APC2: variants seen among roughly 807,000 people sequenced by gnomAD.
APC2 encodes the protein APC regulator of Wnt signaling pathway 2, also known as adenomatous polyposis coli protein 2.
APC2 carries 41 observed loss-of-function variants against 72.5 expected under a neutral mutation model. The observed-to-expected ratio is 0.57, with a 90% CI of 0.44 to 0.73. The LOEUF is 0.73. Among genes scored for constraint, APC2 ranks in the 30% least tolerant of loss-of-function variants. The probability of loss-of-function intolerance (pLI) is 0.00; values close to 1 mark genes in which losing one functional copy is unlikely to be tolerated. For synonymous variants in APC2, 1,898 were observed against 1,612.0 expected (o/e 1.18, Z -4.25); for missense variants, 3,729 against 3,403.4 (o/e 1.10, Z -2.38).
chr19:1,469,552 T>C lies in APC2; in HGVS notation c.6251T>C (p.Leu2084Pro). 8.2e-7 allele frequency: 1 copy of C among 1,225,684 alleles called. No homozygotes were observed. Among genetic ancestry groups the C allele is most frequent in the Non-Finnish European group, 1.0e-6 (1 of 968,860 alleles). The allele number at this position is 1,225,684 out of a possible 1,614,324, so 75.9% of individuals were successfully genotyped here. ...ACCACCTCCGAGAGCCCGTCCCGCC[T>C]GCCTGTGCGCGCGCCCGCCGCCCGG... ...RRTTSESPSR[L>P]PVRAPAARPE... is the part of the protein sequence containing the mutation. The change falls in exon 15 of 15, where the codon CTG (leucine) becomes CCG (proline). Residue 2084 changes from leucine (L) to proline (P), a missense_variant. Leu to Pro is a moderately conservative substitution (Grantham distance 98). Transcript: ENST00000590469.
upstream of APC2, among the ~76,000 whole-genome samples, chr19:1,447,771 C>T (rs2145168319): frequency 6.6e-6 from 1 of 152,262 alleles, no homozygotes; most frequent in Admixed American, 6.5e-5. Context: ...CCTGGCCACC[C>T]CCAGAGGGAT....
intron 10 of APC2, among the ~76,000 whole-genome samples, chr19:1,458,931 A>C (rs1336281189): frequency 6.6e-6 from 1 of 151,938 alleles, no homozygotes; most frequent in Non-Finnish European, 1.5e-5. Flanking sequence ...TGATCCGCCC[A>C]CCTCGGCCTC....
rs1281360329 is a variant in APC2, at chr19:1,455,149, G to A, written c.414G>A (p.Arg138=). 4 of 1,570,098 alleles carry A rather than the reference G, an allele frequency of 2.5e-6. No individual in the cohort carries two copies. In the South Asian group the frequency reaches 3.6e-5, roughly 14 times the overall value. ...IRLLEELDRE[R]CFLLNEIEKE... ...CCGCCCCCGCTGACTTGCTCCCCAG[G>A]TGTTTCCTGCTGAATGAGATTGAGA... The change falls in exon 5 of 15, where the codon CGG becomes CGA. Residue 138 remains arginine (R), a splice_region_variant and synonymous_variant. Coordinates refer to ENST00000590469, the MANE Select transcript of APC2 (RefSeq NM_005883.3).
chr19:1,461,260 C>G, intron 13 of APC2, 107 bp downstream of exon 13: 1 of 960,128 alleles, frequency 1.0e-6, no homozygotes, highest in Non-Finnish European at 1.6e-6. Context: ...TTGAACAGCT[C>G]ACTGCTTAGC....
chr19:1,461,367 G>C, intron 13 of APC2: 1 of 593,368 alleles, frequency 1.7e-6, no homozygotes, highest in Non-Finnish European at 3.0e-6. Context: ...TTGAGGTCAG[G>C]AGTTCGAGAC....
Position 1,468,573 on chromosome 19 carries a change from T to G in APC2, c.5272T>G (p.Ser1758Ala). The change falls in exon 15 of 15, where the codon TCA becomes GCA. Residue 1758 changes from serine (S) to alanine (A), a missense_variant. Physicochemically the swap from Ser to Ala is moderately conservative, Grantham distance 99. Transcript: ENST00000590469. ...ARRPEKRGAA[S>A]VKTSGSPRSP... ...GCGGCCAGAGAAAAGGGGCGCAGCCTCAGTCAAGACCAGCGGGAGCCCCCG... is the reference window on the plus strand; with the variant it reads ...GCGGCCAGAGAAAAGGGGCGCAGCCGCAGTCAAGACCAGCGGGAGCCCCCG... 1 of 1,598,860 alleles carries G rather than the reference T, an allele frequency of 6.3e-7. No homozygotes were observed. Among genetic ancestry groups the G allele is most frequent in the Non-Finnish European group, 8.5e-7 (1 of 1,170,406 alleles).
chr19:1,450,425 C>G, intron 1 of APC2, 87 bp downstream of exon 1: 1 of 925,836 alleles, frequency 1.1e-6, no homozygotes, highest in Non-Finnish European at 1.3e-6. Context: ...TGCCCGTCAG[C>G]ACAGACTCTG....
At chr19:1,449,525 A>C (rs1047505660), upstream of APC2, among the ~76,000 whole-genome samples, 1 of 152,172 alleles carries the variant, frequency 6.6e-6, no homozygotes, top group Non-Finnish European at 1.5e-5. Flanking sequence ...AGAAAGAGAG[A>C]GGGACATGAA....
In APC2 at chr19:1,466,702, G is replaced by C. The variant is rs1337283239; in HGVS notation, c.3401G>C (p.Gly1134Ala). 4 of 1,524,534 alleles carry C rather than the reference G, an allele frequency of 2.6e-6. No homozygotes were observed. The highest frequency in any genetic ancestry group is 3.5e-6 in the Non-Finnish European group (4 of 1,134,282). The allele number at this position is 1,524,534 out of a possible 1,614,324, so 94.4% of individuals were successfully genotyped here. A position where few individuals can be genotyped will look rare whatever the true frequency, so the allele number is the denominator to read the frequency against. Residue 1134 changes from glycine (G) to alanine (A), a missense_variant, in exon 15 of 15, where the codon GGC (glycine) becomes GCC (alanine). Transcript: ENST00000590469. ...VAIPAPRRNR[G>A]RGLGVEDATP... ...ATTCCGGCTCCCCGGCGTAACCGAG[G>C]CCGGGGCCTGGGGGTGGAAGACGCC... is the stretch of plus-strand genomic sequence containing the variant.
rs149076367 is a variant in APC2, at chr19:1,462,193, C to T, written c.1853+16C>T. On this transcript the variant is annotated intron_variant, in intron 14 of 14. Transcript: ENST00000590469. Reference sequence around the variant, plus strand: ...AGGACTACAGGTCGGCCCCCACCCCCCCACCCGCACACAGGCAGCTGCGCT... The same window carrying T: ...AGGACTACAGGTCGGCCCCCACCCCTCCACCCGCACACAGGCAGCTGCGCT... 3.3e-6 allele frequency: 5 copies of T among 1,528,726 alleles called. No homozygotes were observed. In the African/African-American group the frequency reaches 5.5e-5, roughly 17 times the overall value. 94.7% of individuals were successfully genotyped at this position (1,528,726 alleles called of 1,614,324 possible). A position where few individuals can be genotyped will look rare whatever the true frequency, so the allele number is the denominator to read the frequency against.
In APC2 at chr19:1,455,480, G is replaced by C. The variant is rs750200449; in HGVS notation, c.619G>C (p.Glu207Gln). 9 of 1,603,030 alleles carry C rather than the reference G, an allele frequency of 5.6e-6. No homozygotes were observed. The highest frequency in any genetic ancestry group is 1.1e-5 in the South Asian group (1 of 89,500). Residue 207 changes from glutamate (E) to glutamine (Q), a missense_variant, in exon 6 of 15, where the codon GAG becomes CAG. By Grantham distance (29) the Glu-to-Gln change is conservative. Transcript: ENST00000590469. ...GGAGGAGCGCTTCGGCACCTCGGAC[G>C]AGATGGTGCAGCGGGCACAGGTGCG... ...LMEERFGTSD[E>Q]MVQRAQIRAS...
chr19:1,457,740 TGTG>T (rs553979318), intron 9 of APC2: 1 of 592,710 alleles, frequency 1.7e-6, no homozygotes. Context: ...AGCTGAAAGG[TGTG>T]GTGCTCCAGG....
At chr19:1,462,746 G>A (rs1320026088) in intron 14 of APC2, among the ~76,000 whole-genome samples, 40 of 150,794 alleles carry the variant, frequency 2.7e-4, no homozygotes, top group African/African-American at 6.8e-4. Context: ...CGAGGCGGGC[G>A]GATCACGAGG....
chr19:1,460,740 T>A, intron 11 of APC2, 40 bp from the exon 12 acceptor site: 1 of 1,596,616 alleles, frequency 6.3e-7, no homozygotes, highest in Non-Finnish European at 8.6e-7. Context: ...GTCTCCCTTG[T>A]GTCCCAACCC....
chr19:1,464,137 C>T (rs1599151147), intron 14 of APC2, among the ~76,000 whole-genome samples: 2 of 151,940 alleles, frequency 1.3e-5, no homozygotes, highest in East Asian at 1.9e-4. Flanking sequence ...GGTGAAACTC[C>T]GTCTCTACTA....
Position 1,470,517 on chromosome 19 carries a change from A to G in APC2, c.*304A>G. 3.1e-6 allele frequency: 1 copy of G among 324,512 alleles called. No individual in the cohort carries two copies. Among genetic ancestry groups the G allele is most frequent in the East Asian group, 5.4e-5 (1 of 18,552 alleles). 20.1% of individuals were successfully genotyped at this position (324,512 alleles called of 1,614,324 possible). Reference sequence around the variant, plus strand: ...AGCGCGCGGCCCTTCCCCTGTCGGAAGCCGTTGCTTGACCCCGGGCGAGGG... The same window carrying G: ...AGCGCGCGGCCCTTCCCCTGTCGGAGGCCGTTGCTTGACCCCGGGCGAGGG... On this transcript the variant is annotated 3_prime_UTR_variant, in exon 15 of 15. Transcript: ENST00000590469.
chr19:1,460,330 G>A lies in APC2; in HGVS notation c.1443+10G>A. On this transcript the variant is annotated intron_variant, in intron 11 of 14. Transcript: ENST00000590469. ...GGACGTTGCCAACAAGGTGCCCGGG[G>A]GCAGTGGGTGGGCTGGCACTTTCCT... 1 of 1,613,214 alleles carries A rather than the reference G, an allele frequency of 6.2e-7. No homozygotes were observed. Among genetic ancestry groups the A allele is most frequent in the Non-Finnish European group, 8.5e-7 (1 of 1,179,966 alleles).
rs371779994 is a variant in APC2, at chr19:1,456,862, G to A, written c.826G>A (p.Val276Ile). The change falls in exon 9 of 15, where the codon GTC (valine) becomes ATC (isoleucine). Residue 276 changes from valine to isoleucine, a missense_variant. Coordinates refer to ENST00000590469, the MANE Select transcript of APC2 (RefSeq NM_005883.3). ...PQPGNSKVEV[V>I]FWLLSMLATR... is the part of the protein sequence containing the mutation. ...CCTGCCCTCCCCCCAGGTGGAGGTG[G>A]TCTTCTGGCTGTTGTCCATGTTGGC... 6 of 1,596,590 alleles carry A rather than the reference G, an allele frequency of 3.8e-6. No homozygotes were observed. The African/African-American group carries it at 6.7e-5, about 18-fold the overall frequency.
chr19:1,465,079 A>C, intron 14 of APC2, 76 bp from the exon 15 acceptor site: 1 of 1,503,980 alleles, frequency 6.6e-7, no homozygotes, highest in Non-Finnish European at 8.9e-7. Flanking sequence ...TTTACCTGCC[A>C]CATCTGGCCC....
Sources: gnomAD v4.1 joint callset for allele counts (sites outside exome capture counted in the v4.1 genomes callset) on GRCh38, gnomAD v4.1.1 for gene constraint, MANE v1.5 for transcripts, NCBI Gene and HGNC (gene_info 2026-07-23, HGNC 2026-07-21) for gene names.